Variants in MFSD6 observed in about 807,000 individuals in gnomAD.
The protein encoded by MFSD6 is major facilitator superfamily domain-containing protein 6.
A neutral mutation model predicts 56.3 loss-of-function variants in MFSD6; 26 were observed. The observed-to-expected ratio is 0.46, with a 90% CI of 0.34 to 0.64. The LOEUF (loss-of-function observed/expected upper bound fraction) is 0.64, where lower values mean the gene tolerates loss of function less well. MFSD6 is among the 30% of genes least tolerant of loss of function. MFSD6 has a pLI of 0.01. For missense variants in MFSD6, 750 were observed against 986.2 expected (o/e 0.76, Z 3.21); for synonymous variants, 331 against 366.9 (o/e 0.90, Z 1.12).
At chr2:190,408,252 G>A (rs931138858), upstream of MFSD6, 6 of 151,996 alleles carry the variant, frequency 3.9e-5, no homozygotes, top group Admixed American at 3.9e-4. Context: ...CGCAGCGGGA[G>A]AGAAGGTCGC....
chr2:190,467,860 T>G lies in MFSD6; in HGVS notation c.1533-1898T>G, dbSNP rs1312038506. ...TGGAACATGGCCATGCTCATTCATT[T>G]ACATATTGCCTGTGGCTGCTTTCAT... On this transcript the variant is annotated intron_variant, in intron 3 of 7. Coordinates refer to ENST00000392328, the MANE Select transcript of MFSD6 (RefSeq NM_017694.4). The surrounding 1 kb of genome is among the most constrained non-coding windows in gnomAD (Gnocchi z 5.5). Among the ~76,000 whole-genome samples the G allele has an allele frequency of 6.6e-6, 1 of 152,238 alleles. No individual in the cohort carries two copies. Among genetic ancestry groups the G allele is most frequent in the South Asian group, 2.1e-4 (1 of 4,836 alleles).
chr2:190,473,795 A>C (rs995895932), intron 4 of MFSD6, among the ~76,000 whole-genome samples: 24 of 152,130 alleles, frequency 1.6e-4, no homozygotes, highest in Non-Finnish European at 2.8e-4. Context: ...CCTATTCCAA[A>C]ATTGACCACA....
chr2:190,477,252 C>G (rs1198881970), intron 4 of MFSD6: 1 of 983,354 alleles, frequency 1.0e-6, no homozygotes. Flanking sequence ...AAGAATGATT[C>G]AATAACAAGG....
At position 190,485,098 on chromosome 2, in the gene MFSD6, C is replaced by T. The variant is rs904293868; in HGVS notation, c.1631-3559C>T. Among the ~76,000 whole-genome samples, 1 of 152,154 alleles carries T rather than the reference C, an allele frequency of 6.6e-6. No homozygotes were observed. Among genetic ancestry groups the T allele is most frequent in the Admixed American group, 6.5e-5 (1 of 15,274 alleles). On this transcript the variant is annotated intron_variant, in intron 4 of 7. Coordinates refer to ENST00000392328, the MANE Select transcript of MFSD6 (RefSeq NM_017694.4). This position sits in a 1 kb window ranked among gnomAD's most constrained non-coding sequence, Gnocchi z 5.1. ...GTAAATTCTAAGAATAGTTTAAAAG[C>T]ATCCTGACTTAAGTCATCCCACTGG...
Position 190,461,228 on chromosome 2 carries a change from T to G in MFSD6, c.1533-8530T>G, listed in dbSNP as rs376969465. Reference sequence around the variant, plus strand: ...GGGTCAGACATCACACATCATTTAATGGGTCTGTTTCTACTGCATGAAACA... The same window carrying G: ...GGGTCAGACATCACACATCATTTAAGGGGTCTGTTTCTACTGCATGAAACA... On this transcript the variant is annotated intron_variant, in intron 3 of 7. Transcript: ENST00000392328. This position sits in a 1 kb window ranked among gnomAD's most constrained non-coding sequence, Gnocchi z 5.5. Among the ~76,000 whole-genome samples the G allele has an allele frequency of 2.6e-5, 4 of 152,248 alleles. No homozygotes were observed. The highest frequency in any genetic ancestry group is 9.6e-5 in the African/African-American group (4 of 41,464).
rs1559148221 is a variant in MFSD6 at position 190,500,046 on chromosome 2, C to T, written c.2204C>T (p.Ala735Val). The change falls in exon 8 of 8, where the codon GCT becomes GTT. Residue 735 changes from alanine to valine, a missense_variant. By Grantham distance (64) the Ala-to-Val change is moderately conservative. Coordinates refer to ENST00000392328, the MANE Select transcript of MFSD6 (RefSeq NM_017694.4). This position sits in a 1 kb window ranked among gnomAD's most constrained non-coding sequence, Gnocchi z 5.3. ...AATGAGAATAGGGAAAATTCTCCTG[C>T]TGGTAGAGCCCAGCCTGTCCCATGT... Reference protein sequence around the residue: ...GTNENRENSPAGRAQPVPCET... With the variant: ...GTNENRENSPVGRAQPVPCET... 8.1e-6 allele frequency: 13 copies of T among 1,614,198 alleles called. No homozygotes were observed. The highest frequency in any genetic ancestry group is 1.0e-5 in the Non-Finnish European group (12 of 1,180,026).
chr2:190,414,048 GA>G (rs1451815398), intron 1 of MFSD6, among the ~76,000 whole-genome samples: 1 of 152,044 alleles, frequency 6.6e-6, no homozygotes, highest in Non-Finnish European at 1.5e-5. Context: ...ACATAAAGCA[GA>G]ATCATACAAA....
Position 190,424,094 on chromosome 2 carries a change from A to G in MFSD6, c.-54+8681A>G, listed in dbSNP as rs754859897. ...CTCACAGTCTGTAGCTTGTGTTTTCATCCTCTTTGCAGAGTCTTTTAAAGA... is the reference window on the plus strand; with the variant it reads ...CTCACAGTCTGTAGCTTGTGTTTTCGTCCTCTTTGCAGAGTCTTTTAAAGA... On this transcript the variant is annotated intron_variant, in intron 2 of 7. Coordinates refer to ENST00000392328, the MANE Select transcript of MFSD6 (RefSeq NM_017694.4). This position sits in a 1 kb window ranked among gnomAD's most constrained non-coding sequence, Gnocchi z 5.9. Among the ~76,000 whole-genome samples, 1 of 152,114 alleles carries G rather than the reference A, an allele frequency of 6.6e-6. No individual in the cohort carries two copies. Among genetic ancestry groups the G allele is most frequent in the East Asian group, 1.9e-4 (1 of 5,198 alleles).
intron 1 of MFSD6, among the ~76,000 whole-genome samples, chr2:190,408,922 C>A (rs1559097786): frequency 6.6e-6 from 1 of 152,144 alleles, no homozygotes; most frequent in East Asian, 1.9e-4. Flanking sequence ...GGTCCTCCTC[C>A]GCCCGGGCCG....
chr2:190,486,716 G>T lies in MFSD6; in HGVS notation c.1631-1941G>T, dbSNP rs192398495. The stretch of plus-strand genomic sequence containing the variant: ...ACTACTGTCAGATCAAATTTTAAAA[G>T]AATTTTGATCTTTTAGTTTAATTTT... On this transcript the variant is annotated intron_variant, in intron 4 of 7. Transcript: ENST00000392328. Among the ~76,000 whole-genome samples, 10 of 152,268 alleles carry T rather than the reference G, an allele frequency of 6.6e-5. No individual in the cohort carries two copies. The East Asian group carries it at 1.4e-3, about 21-fold the overall frequency.
chr2:190,470,797 A>G (rs1220363230), intron 4 of MFSD6, among the ~76,000 whole-genome samples: 1 of 152,230 alleles, frequency 6.6e-6, no homozygotes, highest in African/African-American at 2.4e-5. Context: ...AACAGAATGT[A>G]CAAAATGCCA....
intron 3 of MFSD6, among the ~76,000 whole-genome samples, chr2:190,446,412 C>T (rs1686585622): frequency 6.6e-6 from 1 of 152,186 alleles, no homozygotes; most frequent in Non-Finnish European, 1.5e-5. Flanking sequence ...GCACTTTACT[C>T]TGCTAAATCC....
rs1283162086 is a variant in MFSD6, at chr2:190,456,042, G to C, written c.1533-13716G>C. On this transcript the variant is annotated intron_variant, in intron 3 of 7. Transcript: ENST00000392328. This position sits in a 1 kb window ranked among gnomAD's most constrained non-coding sequence, Gnocchi z 5.4. ...TGCAACCTCTGCCTCCTGGGTTCAA[G>C]CAGTTCTCCTGTGTCAGCCTCTCTT... is the stretch of plus-strand genomic sequence containing the variant. Among the ~76,000 whole-genome samples the C allele has an allele frequency of 1.5e-5, 2 of 134,054 alleles. No individual in the cohort carries two copies. The highest frequency in any genetic ancestry group is 1.5e-5 in the Non-Finnish European group (1 of 64,856). The allele number at this position is 134,054 out of a possible 152,430, so 87.9% of individuals were successfully genotyped here.
In MFSD6 at chr2:190,489,981, A is replaced by G. The variant is rs1225337603; in HGVS notation, c.1891+115A>G. ...GTATACAACAGGTCTGTTTGGCTCA[A>G]TTTTCTGAGTGGCGTATCGATGAAT... On this transcript the variant is annotated intron_variant, in intron 6 of 7. Transcript: ENST00000392328. The surrounding 1 kb of genome is among the most constrained non-coding windows in gnomAD (Gnocchi z 6.6). 20 of 781,814 alleles carry G rather than the reference A, an allele frequency of 2.6e-5. No homozygotes were observed. Among genetic ancestry groups the G allele is most frequent in the Non-Finnish European group, 3.4e-5 (17 of 504,414 alleles). 48.4% of individuals were successfully genotyped at this position (781,814 alleles called of 1,614,324 possible). A position where few individuals can be genotyped will look rare whatever the true frequency, so the allele number is the denominator to read the frequency against.
In MFSD6 at chr2:190,451,433, C is replaced by T. The variant is rs1381525272; in HGVS notation, c.1532+13872C>T. ...TATTAAACACACTGGGTGACAGGCA[C>T]TGTGCTATAATCTAGGGATATATGG... On this transcript the variant is annotated intron_variant, in intron 3 of 7. Coordinates refer to ENST00000392328, the MANE Select transcript of MFSD6 (RefSeq NM_017694.4). This position sits in a 1 kb window ranked among gnomAD's most constrained non-coding sequence, Gnocchi z 5.0. Among the ~76,000 whole-genome samples, 2 of 152,170 alleles carry T rather than the reference C, an allele frequency of 1.3e-5. No individual in the cohort carries two copies. The highest frequency in any genetic ancestry group is 1.9e-4 in the East Asian group (1 of 5,200).
chr2:190,419,435 G>A (rs879319283), intron 2 of MFSD6, among the ~76,000 whole-genome samples: 7 of 152,332 alleles, frequency 4.6e-5, no homozygotes, highest in Middle Eastern at 3.4e-3. Context: ...TCCCTGCTTC[G>A]CAGCTTCAGC....
Position 190,498,281 on chromosome 2 carries a change from G to A in MFSD6, c.2172+562G>A, listed in dbSNP as rs1462485049. Among the ~76,000 whole-genome samples the A allele has an allele frequency of 1.3e-5, 2 of 152,182 alleles. No homozygotes were observed. The highest frequency in any genetic ancestry group is 2.4e-5 in the African/African-American group (1 of 41,436). On this transcript the variant is annotated intron_variant, in intron 7 of 7. Transcript: ENST00000392328. The surrounding 1 kb of genome is among the most constrained non-coding windows in gnomAD (Gnocchi z 5.9). Reference sequence around the variant, plus strand: ...GATAAAAGTGTGGATAATTGTACAGGTGTATCCCGACTTTGGAAAATGAGT... The same window carrying A: ...GATAAAAGTGTGGATAATTGTACAGATGTATCCCGACTTTGGAAAATGAGT...
intron 4 of MFSD6, among the ~76,000 whole-genome samples, chr2:190,476,626 CATTGTGGAA>C (rs1376263027): frequency 1.3e-5 from 2 of 152,120 alleles, no homozygotes; most frequent in African/African-American, 4.8e-5. Flanking sequence ...CTAATTCAAC[CATTGTGGAA>C]GTCAGTGTGG....
chr2:190,407,590 G>C (rs1026039498), upstream of MFSD6, among the ~76,000 whole-genome samples: 1 of 152,090 alleles, frequency 6.6e-6, no homozygotes, highest in Non-Finnish European at 1.5e-5. The surrounding 1 kb of genome is among the most constrained non-coding windows in gnomAD (Gnocchi z 5.4). Flanking sequence ...AGACATACTT[G>C]CCAAGTGAAT....
Sources: allele counts gnomAD v4.1 joint callset (sites outside exome capture counted in the v4.1 genomes callset), GRCh38; gene constraint gnomAD v4.1.1; non-coding constraint Gnocchi (gnomAD v3.1); transcripts MANE v1.5; gene names NCBI Gene and HGNC (gene_info 2026-07-23, HGNC 2026-07-21).